The following ANKRD30BL variants were observed in gnomAD, a reference collection of about 807,000 sequenced individuals.
ANKRD30BL encodes the protein putative ankyrin repeat domain-containing protein 30B-like.
In ANKRD30BL, 20 loss-of-function variants were observed where a neutral mutation model predicts 18.4. The observed-to-expected ratio is 1.09, with a 90% CI of 0.77 to 1.58. The LOEUF is 1.58. Ranked by LOEUF, ANKRD30BL falls within the 40% of genes most tolerant of loss-of-function variation. ANKRD30BL has a pLI of 0.00. For missense variants in ANKRD30BL, 224 were observed against 268.6 expected (o/e 0.83, Z 1.16); for synonymous variants, 72 against 100.9 (o/e 0.71, Z 1.72).
At chr2:132,212,057 C>T (rs1275559466) in intron 1 of ANKRD30BL, among the ~76,000 whole-genome samples, 1 of 151,754 alleles carries the variant, frequency 6.6e-6, no homozygotes, top group Non-Finnish European at 1.5e-5. Context: ...GCTTGGCAGC[C>T]TATGGTGGAA....
At chr2:132,166,823 T>C (rs1558917356), upstream of ANKRD30BL, among the ~76,000 whole-genome samples, 8 of 152,084 alleles carry the variant, frequency 5.3e-5, no homozygotes, top group Admixed American at 4.6e-4. Context: ...AAACTTTATA[T>C]ATTTTTCCCT....
intron 1 of ANKRD30BL, among the ~76,000 whole-genome samples, chr2:132,193,205 T>C (rs1295191415): frequency 6.6e-6 from 1 of 152,242 alleles, no homozygotes; most frequent in Non-Finnish European, 1.5e-5. Flanking sequence ...GTCACTCATA[T>C]GACCATGTTG....
At chr2:132,202,333 A>T (rs935413805) in intron 1 of ANKRD30BL, among the ~76,000 whole-genome samples, 2 of 152,172 alleles carry the variant, frequency 1.3e-5, no homozygotes, top group African/African-American at 4.8e-5. Context: ...ATAAATAAAT[A>T]AAGAGGGCAT....
At chr2:132,194,646 CCT>C (rs1362395445) in intron 1 of ANKRD30BL, among the ~76,000 whole-genome samples, 1 of 152,228 alleles carries the variant, frequency 6.6e-6, no homozygotes, top group Non-Finnish European at 1.5e-5. Context: ...AAGATCTGCA[CCT>C]TAGTCTGAAG....
intron 1 of ANKRD30BL, among the ~76,000 whole-genome samples, chr2:132,180,292 C>T (rs1484408381): frequency 6.6e-6 from 1 of 150,988 alleles, no homozygotes; most frequent in Admixed American, 6.6e-5. Flanking sequence ...TTACAGTTGC[C>T]TGCAGTATTT....
At chr2:132,221,957 G>T (rs1228578874) in intron 1 of ANKRD30BL, among the ~76,000 whole-genome samples, 1 of 134,244 alleles carries the variant, frequency 7.4e-6, no homozygotes, top group African/African-American at 3.1e-5. Context: ...CCCCGTCCGG[G>T]AGGTGAGGGG....
intron 1 of ANKRD30BL, among the ~76,000 whole-genome samples, chr2:132,224,151 T>G (rs113682464): frequency 1.3e-5 from 2 of 150,738 alleles, no homozygotes; most frequent in Non-Finnish European, 3.0e-5. Context: ...AAACACTAGA[T>G]AGAAGCATTC....
intron 1 of ANKRD30BL, among the ~76,000 whole-genome samples, chr2:132,190,598 A>G (rs1049484567): frequency 1.3e-5 from 2 of 152,090 alleles, no homozygotes; most frequent in Non-Finnish European, 2.9e-5. Flanking sequence ...TGTGTAATAT[A>G]GGTATACATT....
chr2:132,216,862 G>A (rs562058598), intron 1 of ANKRD30BL, among the ~76,000 whole-genome samples: 1 of 152,080 alleles, frequency 6.6e-6, no homozygotes, highest in African/African-American at 2.4e-5. Flanking sequence ...CACTCTTCTT[G>A]TAGAATCTGC....
chr2:132,153,272 G>T (rs1687810246), intron 4 of ANKRD30BL, among the ~76,000 whole-genome samples: 1 of 152,174 alleles, frequency 6.6e-6, no homozygotes, highest in South Asian at 2.1e-4. Flanking sequence ...GACATTATCA[G>T]GTTTTCTGCT....
intron 1 of ANKRD30BL, among the ~76,000 whole-genome samples, chr2:132,204,824 T>C (rs1478862109): frequency 1.4e-4 from 21 of 152,188 alleles, no homozygotes; most frequent in African/African-American, 4.8e-4. Flanking sequence ...TGCCAAAATA[T>C]AAAATGTGTT....
At chr2:132,255,705 G>A (rs1023646478) in intron 1 of ANKRD30BL, among the ~76,000 whole-genome samples, 175 of 152,124 alleles carry the variant, frequency 1.2e-3, no homozygotes, top group Non-Finnish European at 1.0e-3. Flanking sequence ...TCAGGAGTGG[G>A]TAATTTGAGT....
At chr2:132,158,330 C>T (rs1246166452) in intron 1 of ANKRD30BL, among the ~76,000 whole-genome samples, 2 of 152,054 alleles carry the variant, frequency 1.3e-5, no homozygotes, top group Non-Finnish European at 2.9e-5. Context: ...TTTAGATTTA[C>T]AGAATGTATG....
At chr2:132,224,923 G>A (rs996709094) in intron 1 of ANKRD30BL, among the ~76,000 whole-genome samples, 1 of 151,742 alleles carries the variant, frequency 6.6e-6, no homozygotes, top group African/African-American at 2.4e-5. Flanking sequence ...ACTCTTTGCA[G>A]AATCTGGAAG....
intron 1 of ANKRD30BL, among the ~76,000 whole-genome samples, chr2:132,176,782 C>G (rs141561070): frequency 6.6e-6 from 1 of 152,152 alleles, no homozygotes; most frequent in African/African-American, 2.4e-5. Flanking sequence ...CAGAGTTAGG[C>G]TCTGTAAAAA....
intron 1 of ANKRD30BL, among the ~76,000 whole-genome samples, chr2:132,244,165 G>GAT (rs1411084515): frequency 2.0e-5 from 3 of 152,372 alleles, no homozygotes; most frequent in Admixed American, 2.0e-4. Context: ...CTTTGTTGGA[G>GAT]CACTTTTGAA....
At chr2:132,206,409 G>T (rs1679213761) in intron 1 of ANKRD30BL, among the ~76,000 whole-genome samples, 1 of 152,080 alleles carries the variant, frequency 6.6e-6, no homozygotes, top group African/African-American at 2.4e-5. Context: ...TCTGAACCCA[G>T]GATATCAGGA....
intron 1 of ANKRD30BL, among the ~76,000 whole-genome samples, chr2:132,227,761 GT>G (rs1679887478): frequency 6.6e-6 from 1 of 152,014 alleles, no homozygotes; most frequent in African/African-American, 2.4e-5. Flanking sequence ...AATCTTCTTT[GT>G]GATGTGTGCC....
chr2:132,219,740 T>C (rs1679616774), intron 1 of ANKRD30BL, among the ~76,000 whole-genome samples: 1 of 152,130 alleles, frequency 6.6e-6, no homozygotes, highest in Non-Finnish European at 1.5e-5. Flanking sequence ...TTTTTTTTGA[T>C]AGAGCAGTTT....
Sources: gnomAD v4.1 joint callset for allele counts (sites outside exome capture counted in the v4.1 genomes callset) on GRCh38, gnomAD v4.1.1 for gene constraint, MANE v1.5 for transcripts, NCBI Gene and HGNC (gene_info 2026-07-23, HGNC 2026-07-21) for gene names.